Variants in ADCY7 observed in about 807,000 individuals in gnomAD.
ADCY7 encodes the protein adenylate cyclase type 7.
ADCY7 carries 72 observed loss-of-function variants against 120.6 expected under a neutral mutation model. The observed-to-expected ratio is 0.60, with a 90% CI of 0.49 to 0.73. The LOEUF (loss-of-function observed/expected upper bound fraction) is 0.73. Ranked by LOEUF, ADCY7 falls within the 30% of genes least tolerant of loss-of-function variation. The pLI is 0.00. For synonymous variants in ADCY7, 661 were observed against 628.0 expected (o/e 1.05, Z -0.78); for missense variants, 1,227 against 1,486.0 (o/e 0.83, Z 2.87).
At chr16:50,314,245 TG>T (rs1287504866) in intron 23 of ADCY7, 46 bp from the exon 24 acceptor site, 27 of 1,564,720 alleles carry the variant, frequency 1.7e-5, no homozygotes, top group Non-Finnish European at 1.9e-5. Context: ...CCACTAGGTC[TG>T]GGGGCTCTGG....
chr16:50,245,714 G>C (rs911380207), upstream of ADCY7, among the ~76,000 whole-genome samples: 1 of 152,146 alleles, frequency 6.6e-6, no homozygotes, highest in Non-Finnish European at 1.5e-5. Context: ...CCCGCCGTCT[G>C]TGGATCCTTC....
intron 1 of ADCY7, among the ~76,000 whole-genome samples, chr16:50,260,083 G>A (rs2033019849): frequency 6.6e-6 from 1 of 152,356 alleles, no homozygotes; most frequent in South Asian, 2.1e-4. Flanking sequence ...GAGCTGGGGG[G>A]CGTGAAACCA....
chr16:50,268,967 T>C (rs1457920264), intron 1 of ADCY7, among the ~76,000 whole-genome samples: 1 of 152,008 alleles, frequency 6.6e-6, no homozygotes, highest in African/African-American at 2.4e-5. Context: ...AGCCCAGGAG[T>C]TGGAGGCTGT....
At chr16:50,299,986 G>C (rs560595716) in intron 8 of ADCY7, among the ~76,000 whole-genome samples, 3 of 152,184 alleles carry the variant, frequency 2.0e-5, no homozygotes, top group South Asian at 4.1e-4. Context: ...GGATTGGGGG[G>C]GCATAGAAGG....
At chr16:50,284,997 C>T (rs1435005624) in intron 1 of ADCY7, among the ~76,000 whole-genome samples, 1 of 152,192 alleles carries the variant, frequency 6.6e-6, no homozygotes, top group African/African-American at 2.4e-5. Context: ...GGGACCTTAT[C>T]TTGTTTGGCA....
At position 50,316,610 on chromosome 16, in the gene ADCY7, G is replaced by A. The variant is rs2036811623; in HGVS notation, c.*1105G>A. The A allele has an allele frequency of 6.6e-6, 1 of 152,326 alleles. No homozygotes were observed. Among genetic ancestry groups the A allele is most frequent in the Non-Finnish European group, 1.5e-5 (1 of 68,082 alleles). 9.4% of individuals were successfully genotyped at this position (152,326 alleles called of 1,614,324 possible). A position where few individuals can be genotyped will look rare whatever the true frequency, so the allele number is the denominator to read the frequency against. On this transcript the variant is annotated 3_prime_UTR_variant, in exon 26 of 26. Coordinates refer to ENST00000673801, the MANE Select transcript of ADCY7 (RefSeq NM_001114.5). ...TGCATGCAGAGGCTCCTGGATCTGG[G>A]AAGCCCGCCCCCTCACAAATGCTGA...
At chr16:50,281,665 C>T (rs1373249471) in intron 1 of ADCY7, among the ~76,000 whole-genome samples, 1 of 152,314 alleles carries the variant, frequency 6.6e-6, no homozygotes, top group East Asian at 1.9e-4. Context: ...GGGAAGGCCT[C>T]TTGGTACGGG....
In ADCY7 at chr16:50,311,797, TG is replaced by T. The variant is rs113361268; in HGVS notation, c.2448+13del. The T allele has an allele frequency of 3.5e-3, 2,779 of 785,450 alleles. 94 individuals carry two copies. The African/African-American group carries it at 0.059, about 17-fold the overall frequency. 48.7% of individuals were successfully genotyped at this position (785,450 alleles called of 1,614,324 possible). A position where few individuals can be genotyped will look rare whatever the true frequency, so the allele number is the denominator to read the frequency against. ...ACACTCTCCAGACAGGTAAGGAGGC[TG>T]GCCCCCCCCCCCCCCCCAAGCTCTG... On this transcript the variant is annotated intron_variant, in intron 20 of 25. Coordinates refer to ENST00000673801, the MANE Select transcript of ADCY7 (RefSeq NM_001114.5).
Position 50,293,439 on chromosome 16 carries a change from A to C in ADCY7, c.773A>C (p.Asp258Ala). The change falls in exon 6 of 26, where the codon GAC (aspartate) becomes GCC (alanine). Residue 258 changes from aspartate (D) to alanine (A), a missense_variant. By Grantham distance (126) the Asp-to-Ala change is moderately radical (BLOSUM62 -2). Coordinates refer to ENST00000673801, the MANE Select transcript of ADCY7 (RefSeq NM_001114.5). ...AIIERLKEHG[D>A]RRCMPDNNFH... is the part of the protein sequence containing the mutation. ...ATCGAACGGCTCAAGGAGCATGGTGACCGTCGCTGCATGCCTGACAACAAC... is the reference window on the plus strand; with the variant it reads ...ATCGAACGGCTCAAGGAGCATGGTGCCCGTCGCTGCATGCCTGACAACAAC... 1 of 1,614,028 alleles carries C rather than the reference A, an allele frequency of 6.2e-7. No individual in the cohort carries two copies. The highest frequency in any genetic ancestry group is 8.5e-7 in the Non-Finnish European group (1 of 1,180,026).
chr16:50,300,542 G>A (rs1227174212), intron 8 of ADCY7, among the ~76,000 whole-genome samples, 173 bp from the exon 9 acceptor site: 1 of 152,162 alleles, frequency 6.6e-6, no homozygotes, highest in Non-Finnish European at 1.5e-5. Context: ...CCTGGGGATG[G>A]GGCACTCAGC....
Position 50,317,707 on chromosome 16 carries a change from T to C in ADCY7, c.*2202T>C, listed in dbSNP as rs2036869198. ...AAAAATTACCTGCAGGTATTTTCTTTTTATGAACTTGTTTTTAAATTACCA... is the reference window on the plus strand; with the variant it reads ...AAAAATTACCTGCAGGTATTTTCTTCTTATGAACTTGTTTTTAAATTACCA... On this transcript the variant is annotated 3_prime_UTR_variant, in exon 26 of 26. Transcript: ENST00000673801. 6.6e-6 allele frequency: 1 copy of C among 152,336 alleles called. No individual in the cohort carries two copies. The highest frequency in any genetic ancestry group is 1.5e-5 in the Non-Finnish European group (1 of 68,046). 9.4% of individuals were successfully genotyped at this position (152,336 alleles called of 1,614,324 possible). A position where few individuals can be genotyped will look rare whatever the true frequency, so the allele number is the denominator to read the frequency against.
At chr16:50,313,069 C>A in intron 22 of ADCY7, 33 bp downstream of exon 22, 1 of 1,612,100 alleles carries the variant, frequency 6.2e-7, no homozygotes, top group Non-Finnish European at 8.5e-7. Flanking sequence ...GCGCAGCAGC[C>A]CCCACCCATG....
chr16:50,287,701 C>G (rs1317985242), intron 1 of ADCY7, among the ~76,000 whole-genome samples: 1 of 147,590 alleles, frequency 6.8e-6, no homozygotes, highest in Admixed American at 6.8e-5. Context: ...AAAAAAGCAG[C>G]CACATGTGGC....
At chr16:50,247,519 C>T (rs891174673) in intron 1 of ADCY7, among the ~76,000 whole-genome samples, 21 of 150,872 alleles carry the variant, frequency 1.4e-4, no homozygotes, top group Non-Finnish European at 2.8e-4. Flanking sequence ...TGTGCGCCAC[C>T]ACGCCTGGCT....
chr16:50,278,932 T>C (rs2150887431), intron 1 of ADCY7, among the ~76,000 whole-genome samples: 1 of 149,380 alleles, frequency 6.7e-6, no homozygotes, highest in African/African-American at 2.5e-5. Flanking sequence ...AGTACAGTGG[T>C]GCAATCCCAT....
At chr16:50,309,161 T>C (rs1023704814) in intron 17 of ADCY7, 6 of 313,142 alleles carry the variant, frequency 1.9e-5, no homozygotes, top group Admixed American at 1.4e-4. Flanking sequence ...TGCGGGACAC[T>C]TGTCCACCTC....
At chr16:50,278,900 C>G (rs943778372) in intron 1 of ADCY7, among the ~76,000 whole-genome samples, 24 of 148,870 alleles carry the variant, frequency 1.6e-4, no homozygotes, top group Non-Finnish European at 2.7e-4. Flanking sequence ...TTGGCAGAGC[C>G]TCACTCTGTT....
At chr16:50,248,804 C>T (rs1335891887) in intron 1 of ADCY7, among the ~76,000 whole-genome samples, 3 of 152,184 alleles carry the variant, frequency 2.0e-5, no homozygotes, top group East Asian at 1.9e-4. Context: ...CAGGATATCA[C>T]GTGGTGAGGT....
At chr16:50,302,911 C>T (rs1002015231) in intron 10 of ADCY7, among the ~76,000 whole-genome samples, 2 of 152,248 alleles carry the variant, frequency 1.3e-5, no homozygotes, top group African/African-American at 2.4e-5. Context: ...TCTATGGGCT[C>T]TGCCTTACGC....
Sources: gnomAD v4.1 joint callset for allele counts (sites outside exome capture counted in the v4.1 genomes callset) on GRCh38, gnomAD v4.1.1 for gene constraint, MANE v1.5 for transcripts, NCBI Gene and HGNC (gene_info 2026-07-23, HGNC 2026-07-21) for gene names.